CD101: variants seen among roughly 807,000 people sequenced by gnomAD.
The protein encoded by CD101 is CD101 molecule.
CD101 carries 76 observed loss-of-function variants against 98.2 expected under a neutral mutation model. The ratio of observed to expected loss-of-function variants is 0.77; its 90% CI spans 0.64 to 0.94. CD101 has a LOEUF of 0.94. Ranked by LOEUF, CD101 falls within the 40% of genes least tolerant of loss-of-function variation. The pLI is 0.00. For synonymous variants in CD101, 471 were observed against 472.7 expected (o/e 1.00, Z 0.05); for missense variants, 1,145 against 1,218.8 (o/e 0.94, Z 0.90).
At position 117,006,222 on chromosome 1, in the gene CD101, G is replaced by A. The variant is rs1038785167; in HGVS notation, c.44-3628G>A. On this transcript the variant is annotated intron_variant, in intron 1 of 9. Coordinates refer to ENST00000682167, the MANE Select transcript of CD101 (RefSeq NM_001256106.3). The surrounding 1 kb of genome is among the most constrained non-coding windows in gnomAD (Gnocchi z 4.4). ...ACCCTGCTACTCCCAAGCATCCAAC[G>A]CACTGAAAACTACAGATTTTGTCTC... Among the ~76,000 whole-genome samples the A allele has an allele frequency of 1.3e-5, 2 of 151,998 alleles. No homozygotes were observed. The highest frequency in any genetic ancestry group is 1.9e-4 in the East Asian group (1 of 5,160).
chr1:117,030,914 G>A (rs980322571), intron 8 of CD101, among the ~76,000 whole-genome samples: 1 of 152,174 alleles, frequency 6.6e-6, no homozygotes, highest in Non-Finnish European at 1.5e-5. Flanking sequence ...TTGGCTGTGG[G>A]TGGAAGCACG....
Position 117,021,844 on chromosome 1 carries a change from G to T in CD101, c.2289G>T (p.Leu763=). The change falls in exon 7 of 10, where the codon CTG becomes CTT. Residue 763 remains leucine (L), a synonymous_variant. Transcript: ENST00000682167. This position sits in a 1 kb window ranked among gnomAD's most constrained non-coding sequence, Gnocchi z 4.7. The part of the protein sequence containing the change: ...TEKVSQDLFQ[L]HILNVEDSDR... Reference sequence around the variant, plus strand: ...AGGTTTCCCAAGACTTATTTCAGCTGCACATTCTGAATGTGGAAGACAGCG... The same window carrying T: ...AGGTTTCCCAAGACTTATTTCAGCTTCACATTCTGAATGTGGAAGACAGCG... 1.9e-6 allele frequency: 3 copies of T among 1,614,178 alleles called. No individual in the cohort carries two copies. In the East Asian group the frequency reaches 6.7e-5, roughly 36 times the overall value.
At position 117,022,314 on chromosome 1, in the gene CD101, G is replaced by T. The variant is rs1291744594; in HGVS notation, c.2428+331G>T. ...TAACAAGCTGTGTCATTCCAGTGGG[G>T]CTCTACTGTAATTTGGCAGAGAAAG... On this transcript the variant is annotated intron_variant, in intron 7 of 9. Transcript: ENST00000682167. This position sits in a 1 kb window ranked among gnomAD's most constrained non-coding sequence, Gnocchi z 4.8. 6.6e-6 allele frequency among the ~76,000 whole-genome samples: 1 copy of T among 152,164 alleles called. No homozygotes were observed. The highest frequency in any genetic ancestry group is 2.4e-5 in the African/African-American group (1 of 41,430).
chr1:117,032,012 G>A (rs547310096), intron 8 of CD101: 1 of 152,214 alleles, frequency 6.6e-6, no homozygotes, highest in South Asian at 2.1e-4. Context: ...AAGACCGGGG[G>A]AGAATAACTG....
chr1:117,029,139 G>C (rs1654160090), intron 8 of CD101, among the ~76,000 whole-genome samples: 1 of 75,382 alleles, frequency 1.3e-5, no homozygotes, highest in African/African-American at 6.1e-5. Flanking sequence ...CAGAAAGAAA[G>C]AAAGAAAGAA....
intron 8 of CD101, among the ~76,000 whole-genome samples, chr1:117,029,634 C>A (rs1213957613): frequency 6.6e-6 from 1 of 152,234 alleles, no homozygotes; most frequent in Non-Finnish European, 1.5e-5. Context: ...ATAGGGGATG[C>A]TTAAATGTTT....
Position 117,013,646 on chromosome 1 carries a change from C to T in CD101, c.1082C>T (p.Ser361Phe), listed in dbSNP as rs1380874996. Residue 361 changes from serine to phenylalanine, a missense_variant, in exon 4 of 10, where the codon TCT (serine) becomes TTT (phenylalanine). Physicochemically the swap from Ser to Phe is radical, Grantham distance 155. Transcript: ENST00000682167. ...TCAAAGTTAGGCCCCAAGGCTTTCT[C>T]TCTCAAGATCTTCTCTCTGGGCCCA... ...QVSKLGPKAF[S>F]LKIFSLGPED... 2 of 1,614,050 alleles carry T rather than the reference C, an allele frequency of 1.2e-6. No homozygotes were observed. The highest frequency in any genetic ancestry group is 2.7e-5 in the African/African-American group (2 of 74,922).
In CD101 at chr1:117,012,913, A is replaced by C. The variant is rs1652974415; in HGVS notation, c.842-493A>C. On this transcript the variant is annotated intron_variant, in intron 3 of 9. Coordinates refer to ENST00000682167, the MANE Select transcript of CD101 (RefSeq NM_001256106.3). The surrounding 1 kb of genome is among the most constrained non-coding windows in gnomAD (Gnocchi z 4.0). ...AAACAGTATTATTGTGTTCCACTAA[A>C]AATTGTCCTGTTGGCCTCAAGTATC... is the stretch of plus-strand genomic sequence containing the variant. Among the ~76,000 whole-genome samples the C allele has an allele frequency of 6.6e-6, 1 of 152,176 alleles. No homozygotes were observed.
At chr1:117,032,042 G>A (rs1313539767) in intron 8 of CD101, 1 of 152,206 alleles carries the variant, frequency 6.6e-6, no homozygotes, top group Admixed American at 6.5e-5. Context: ...AGGGTCATTG[G>A]AAGAGGGGTC....
At chr1:117,014,727 T>C (rs1191505325) in intron 4 of CD101, among the ~76,000 whole-genome samples, 16 of 152,206 alleles carry the variant, frequency 1.1e-4, no homozygotes, top group Admixed American at 1.0e-3. Context: ...AAAATAAAGG[T>C]GTCCTTGTTG....
At position 117,001,805 on chromosome 1, in the gene CD101, T is replaced by G; in HGVS notation, c.-13T>G. On this transcript the variant is annotated 5_prime_UTR_variant, in exon 1 of 10. Transcript: ENST00000682167. ...TGACACTATTGGGACGAAAAAGGAC[T>G]GTGCTGGCCCAAATGGCAGGCATCT... 1.2e-6 allele frequency: 2 copies of G among 1,613,756 alleles called. No individual in the cohort carries two copies. The highest frequency in any genetic ancestry group is 1.7e-6 in the Non-Finnish European group (2 of 1,179,716).
Position 117,019,315 on chromosome 1 carries a change from T to C in CD101, c.2017+755T>C, listed in dbSNP as rs558522155. On this transcript the variant is annotated intron_variant, in intron 6 of 9. Transcript: ENST00000682167. The surrounding 1 kb of genome is among the most constrained non-coding windows in gnomAD (Gnocchi z 4.3). ...TGCAATTTAAATATGGTGACATATA[T>C]AACATGCCGAGTACCTGACACACCA... Among the ~76,000 whole-genome samples the C allele has an allele frequency of 1.8e-4, 28 of 152,326 alleles. 1 individual carries two copies. Among genetic ancestry groups the C allele is most frequent in the African/African-American group, 6.5e-4 (27 of 41,582 alleles).
chr1:117,009,157 G>GA (rs1426039317), intron 1 of CD101, among the ~76,000 whole-genome samples: 6 of 152,180 alleles, frequency 3.9e-5, no homozygotes, highest in African/African-American at 1.2e-4. Flanking sequence ...CTTTTGGTAA[G>GA]AAAAAAGCTA....
intron 8 of CD101, among the ~76,000 whole-genome samples, chr1:117,028,151 A>G (rs953113897): frequency 1.3e-4 from 20 of 152,318 alleles, no homozygotes; most frequent in Admixed American, 3.3e-4. Context: ...TCCACAGTAC[A>G]GTGCAGGTAG....
At chr1:117,029,138 A>G (rs1425693892) in intron 8 of CD101, among the ~76,000 whole-genome samples, 1 of 73,750 alleles carries the variant, frequency 1.4e-5, no homozygotes, top group Non-Finnish European at 2.7e-5. Context: ...TCAGAAAGAA[A>G]GAAAGAAAGA....
In CD101 at chr1:117,019,778, T is replaced by C. The variant is rs1384537966; in HGVS notation, c.2017+1218T>C. Among the ~76,000 whole-genome samples, 3 of 152,164 alleles carry C rather than the reference T, an allele frequency of 2.0e-5. No homozygotes were observed. The highest frequency in any genetic ancestry group is 4.4e-5 in the Non-Finnish European group (3 of 68,024). The stretch of plus-strand genomic sequence containing the variant: ...ATTATGTCAAAACATAAACCCACCA[T>C]TATCATCCAAAGCTCTTTCTTCTGC... On this transcript the variant is annotated intron_variant, in intron 6 of 9. Transcript: ENST00000682167. This position sits in a 1 kb window ranked among gnomAD's most constrained non-coding sequence, Gnocchi z 4.3.
chr1:117,008,294 G>C (rs957778459), intron 1 of CD101, among the ~76,000 whole-genome samples: 1 of 151,928 alleles, frequency 6.6e-6, no homozygotes, highest in Non-Finnish European at 1.5e-5. Flanking sequence ...GTGAAACCCC[G>C]TCTCTACTAA....
In CD101 at chr1:117,022,823, T is replaced by G. The variant is rs1653668007; in HGVS notation, c.2428+840T>G. Reference sequence around the variant, plus strand: ...GCCCTGGCCCTTAAGGAGCTCCCAGTCTGGTGGGACAACAAGGGCAGAACA... The same window carrying G: ...GCCCTGGCCCTTAAGGAGCTCCCAGGCTGGTGGGACAACAAGGGCAGAACA... On this transcript the variant is annotated intron_variant, in intron 7 of 9. Transcript: ENST00000682167. This position sits in a 1 kb window ranked among gnomAD's most constrained non-coding sequence, Gnocchi z 4.8. 6.6e-6 allele frequency among the ~76,000 whole-genome samples: 1 copy of G among 152,190 alleles called. No individual in the cohort carries two copies. Among genetic ancestry groups the G allele is most frequent in the African/African-American group, 2.4e-5 (1 of 41,448 alleles).
chr1:117,021,570 TAGA>T lies in CD101; in HGVS notation c.2018-2_2018del. On this transcript the variant is annotated splice_acceptor_variant and coding_sequence_variant, in exon 7 of 10. Transcript: ENST00000682167. LOFTEE classifies it high-confidence loss of function. This position sits in a 1 kb window ranked among gnomAD's most constrained non-coding sequence, Gnocchi z 4.7. ...AGTAACTGTTTCATTTTTTTAAATTTAGAGAGCAAGCTAAAAGTGAATTCAAGG... is the reference window on the plus strand; with the variant it reads ...AGTAACTGTTTCATTTTTTTAAATTTGAGCAAGCTAAAAGTGAATTCAAGG... 6.4e-7 allele frequency: 1 copy of T among 1,557,998 alleles called. No homozygotes were observed. Among genetic ancestry groups the T allele is most frequent in the African/African-American group, 1.4e-5 (1 of 72,466 alleles).
Sources: gnomAD v4.1 joint callset for allele counts (sites outside exome capture counted in the v4.1 genomes callset) on GRCh38, gnomAD v4.1.1 for gene constraint, Gnocchi (gnomAD v3.1) non-coding constraint, MANE v1.5 for transcripts, NCBI Gene and HGNC (gene_info 2026-07-23, HGNC 2026-07-21) for gene names.